Variants in CAPN7 observed in about 807,000 individuals in gnomAD.
CAPN7 encodes the protein calpain-7.
In CAPN7, 72 loss-of-function variants were observed where a neutral mutation model predicts 115.2. That is an observed-to-expected ratio of 0.63 (90% CI 0.52 to 0.76). The LOEUF (loss-of-function observed/expected upper bound fraction) is 0.76. Among genes scored for constraint, CAPN7 ranks in the 30% least tolerant of loss-of-function variants. The pLI, the probability that CAPN7 is intolerant of heterozygous loss-of-function variation, is 0.00. For synonymous variants in CAPN7, 344 were observed against 322.3 expected, an observed-to-expected ratio of 1.07 and a Z score of -0.72; for missense variants, 905 against 971.5, an observed-to-expected ratio of 0.93 and a Z score of 0.91.
rs566957976 is a variant in CAPN7, at chr3:15,229,561, C to CTTTTTT, written c.938+525_938+530dup. Among the ~76,000 whole-genome samples, 75 of 87,860 alleles carry CTTTTTT rather than the reference C, an allele frequency of 8.5e-4. 2 individuals carry two copies. The highest frequency in any genetic ancestry group is 2.0e-3 in the African/African-American group (49 of 24,258). The allele number at this position is 87,860 out of a possible 152,430, so 57.6% of individuals were successfully genotyped here. A position where few individuals can be genotyped will look rare whatever the true frequency, so the allele number is the denominator to read the frequency against. On this transcript the variant is annotated intron_variant, in intron 8 of 20. Coordinates refer to ENST00000253693, the MANE Select transcript of CAPN7 (RefSeq NM_014296.3). Reference sequence around the variant, plus strand: ...CATCAAAATTGGTTTTACTTTTTTTCTTTTTTTTTTTTTTTTTTTTTTTTT... The same window carrying CTTTTTT: ...CATCAAAATTGGTTTTACTTTTTTTCTTTTTTTTTTTTTTTTTTTTTTTTTTTTTTT...
chr3:15,243,746 C>T (rs73140149), intron 16 of CAPN7, among the ~76,000 whole-genome samples: 37 of 149,396 alleles, frequency 2.5e-4, no homozygotes, highest in Admixed American at 2.3e-3. Context: ...TAAGAACTTA[C>T]GAACACAAAG....
intron 1 of CAPN7, among the ~76,000 whole-genome samples, chr3:15,210,282 A>G (rs1412878985): frequency 2.0e-5 from 3 of 152,154 alleles, no homozygotes; most frequent in African/African-American, 7.2e-5. Context: ...AGCTTTTTTT[A>G]AAAAGTACAA....
At chr3:15,215,892 C>A (rs1016775772) in intron 2 of CAPN7, among the ~76,000 whole-genome samples, 4 of 152,150 alleles carry the variant, frequency 2.6e-5, no homozygotes, top group African/African-American at 9.7e-5. Context: ...TTGAGACTAG[C>A]CTGGCCAACA....
chr3:15,251,173 T>C lies in CAPN7; in HGVS notation c.2355T>C (p.Ile785=), dbSNP rs747278258. ...TACCTTCTGGGATCTTCAATATCAT[T>C]CCTAGTACCTTTTTGCCTAAACAAG... ...ENIPSGIFNI[I]PSTFLPKQEG... Residue 785 remains isoleucine, a synonymous_variant, in exon 21 of 21, where the codon ATT becomes ATC. Transcript: ENST00000253693. 2.3e-5 allele frequency: 37 copies of C among 1,607,842 alleles called. No homozygotes were observed. In the Admixed American group the frequency reaches 5.2e-4, roughly 23 times the overall value.
At chr3:15,233,053 G>A (rs1694784499) in intron 10 of CAPN7, among the ~76,000 whole-genome samples, 1 of 152,160 alleles carries the variant, frequency 6.6e-6, no homozygotes, top group South Asian at 2.1e-4. Flanking sequence ...GTGACCTTTT[G>A]TTGCATGAGG....
At chr3:15,220,075 C>T (rs1693877106) in intron 4 of CAPN7, among the ~76,000 whole-genome samples, 1 of 152,092 alleles carries the variant, frequency 6.6e-6, no homozygotes, top group Admixed American at 6.5e-5. Context: ...GTGGTAGGCA[C>T]CTATAATCCC....
At chr3:15,215,098 C>T (rs1647837774) in intron 2 of CAPN7, among the ~76,000 whole-genome samples, 1 of 152,122 alleles carries the variant, frequency 6.6e-6, no homozygotes, top group Admixed American at 6.5e-5. Flanking sequence ...GTATATACTT[C>T]AGAGAGGCAT....
In CAPN7 at chr3:15,218,434, A is replaced by G. The variant is rs184483783; in HGVS notation, c.370-39A>G. 6.1e-6 allele frequency: 9 copies of G among 1,481,964 alleles called. No individual in the cohort carries two copies. The East Asian group carries it at 2.0e-4, about 33-fold the overall frequency. 91.8% of individuals were successfully genotyped at this position (1,481,964 alleles called of 1,614,324 possible). ...TATGGATCAAGCAAATTGAAAAATA[A>G]TTATGCTTTAAAATGTCTGTCTCTT... On this transcript the variant is annotated intron_variant, in intron 3 of 20. Coordinates refer to ENST00000253693, the MANE Select transcript of CAPN7 (RefSeq NM_014296.3).
Position 15,231,369 on chromosome 3 carries a change from G to C in CAPN7, c.1032+834G>C, listed in dbSNP as rs900954924. On this transcript the variant is annotated intron_variant, in intron 9 of 20. Transcript: ENST00000253693. ...GATGTTGTTGTCTAGAATACTCTCT[G>C]AGAGCCATTTTACCTGATTTACTTA... is the stretch of plus-strand genomic sequence containing the variant. Among the ~76,000 whole-genome samples the C allele has an allele frequency of 8.5e-5, 13 of 152,114 alleles. No individual in the cohort carries two copies. In the East Asian group the frequency reaches 1.7e-3, roughly 20 times the overall value.
chr3:15,218,239 A>C (rs920239450), intron 3 of CAPN7, among the ~76,000 whole-genome samples: 1 of 152,200 alleles, frequency 6.6e-6, no homozygotes, highest in African/African-American at 2.4e-5. Context: ...ATGGTCAAAC[A>C]GTTCTGGTCC....
intron 8 of CAPN7, among the ~76,000 whole-genome samples, chr3:15,230,179 G>T (rs1238036129): frequency 6.6e-6 from 1 of 152,120 alleles, no homozygotes; most frequent in Non-Finnish European, 1.5e-5. Context: ...GTTTATTAGG[G>T]TATGTAAGTT....
In CAPN7 at chr3:15,228,967, T is replaced by C. The variant is rs914935829; in HGVS notation, c.853-7T>C. ...AATATGAATATGTTAATTATTCTTA[T>C]TAACAGACAATAGTATCGGATTGCT... On this transcript the variant is annotated splice_polypyrimidine_tract_variant and splice_region_variant and intron_variant, in intron 7 of 20. Coordinates refer to ENST00000253693, the MANE Select transcript of CAPN7 (RefSeq NM_014296.3). 2 of 1,599,306 alleles carry C rather than the reference T, an allele frequency of 1.3e-6. No homozygotes were observed. Among genetic ancestry groups the C allele is most frequent in the Middle Eastern group, 1.7e-4 (1 of 6,058 alleles).
intron 1 of CAPN7, chr3:15,210,760 T>G (rs2044894392): frequency 7.8e-7 from 1 of 1,287,986 alleles, no homozygotes; most frequent in Admixed American, 2.3e-5. Flanking sequence ...GGTTTCACCA[T>G]GTTGCCCAGG....
At chr3:15,227,109 T>TAAA (rs61571165) in intron 6 of CAPN7, among the ~76,000 whole-genome samples, 2 of 128,302 alleles carry the variant, frequency 1.6e-5, no homozygotes, top group African/African-American at 5.6e-5. Context: ...CCTCAACTGT[T>TAAA]AAAAAAAAAA....
At chr3:15,232,777 A>G in intron 10 of CAPN7, 112 bp downstream of exon 10, 1 of 867,282 alleles carries the variant, frequency 1.2e-6, no homozygotes, top group Non-Finnish European at 1.7e-6. Flanking sequence ...AGAGCAGATT[A>G]TCAACCCCTG....
At position 15,220,870 on chromosome 3, in the gene CAPN7, A is replaced by G; in HGVS notation, c.527A>G (p.His176Arg). The G allele has an allele frequency of 1.9e-6, 3 of 1,614,160 alleles. No homozygotes were observed. The highest frequency in any genetic ancestry group is 2.5e-6 in the Non-Finnish European group (3 of 1,180,006). Reference sequence around the variant, plus strand: ...CCAAAGCCACCTCCAGTGAGAGCACATTTTCCACTGGGCGCTAATCCCTTC... The same window carrying G: ...CCAAAGCCACCTCCAGTGAGAGCACGTTTTCCACTGGGCGCTAATCCCTTC... ...VKPKPPPVRA[H>R]FPLGANPFLE... The change falls in exon 5 of 21, where the codon CAT becomes CGT. Residue 176 changes from histidine (H) to arginine (R), a missense_variant. By Grantham distance (29) the His-to-Arg change is conservative. Around this residue, in one of 3 missense-constraint regions of CAPN7, gnomAD observed 271 missense variants for 239.6 expected, o/e 1.13. Transcript: ENST00000253693.
intron 12 of CAPN7, among the ~76,000 whole-genome samples, chr3:15,240,002 T>C (rs1695245454): frequency 6.6e-6 from 1 of 152,192 alleles, no homozygotes; most frequent in Non-Finnish European, 1.5e-5. Context: ...GAGCCAAAGG[T>C]ACATGGAGTA....
intron 17 of CAPN7, chr3:15,246,493 A>G (rs1695666054): frequency 4.6e-6 from 2 of 432,826 alleles, no homozygotes; most frequent in Non-Finnish European, 8.2e-6. Context: ...TTTCAGATGC[A>G]GAAGCCACAG....
intron 5 of CAPN7, 130 bp from the exon 6 acceptor site, chr3:15,223,345 C>G (rs1293340318): frequency 1.6e-6 from 1 of 632,782 alleles, no homozygotes; most frequent in Non-Finnish European, 2.8e-6. Flanking sequence ...AAAGATATAT[C>G]AACAACATGA....
Sources: gnomAD v4.1 joint callset for allele counts (sites outside exome capture counted in the v4.1 genomes callset) on GRCh38, gnomAD v4.1.1 for gene constraint, gnomAD v4.1.1 regional missense constraint, MANE v1.5 for transcripts, NCBI Gene and HGNC (gene_info 2026-07-23, HGNC 2026-07-21) for gene names.